Variants in CNOT2 observed in about 807,000 individuals in gnomAD.
CNOT2 encodes the protein CCR4-NOT transcription complex subunit 2.
In CNOT2, 7 loss-of-function variants were observed where a neutral mutation model predicts 72.1. That is an observed-to-expected ratio of 0.10 (90% CI 0.06 to 0.18). The LOEUF (loss-of-function observed/expected upper bound fraction) is 0.18, where lower values mean the gene tolerates loss of function less well. CNOT2 is among the 10% of genes least tolerant of loss of function. The pLI, the probability that CNOT2 is intolerant of heterozygous loss-of-function variation, is 1.00. For synonymous variants in CNOT2, 196 were observed against 225.6 expected (o/e 0.87, Z 1.17); for missense variants, 345 against 660.3 (o/e 0.52, Z 5.23).
chr12:70,293,579 A>G (rs183264266), intron 2 of CNOT2, among the ~76,000 whole-genome samples: 234 of 152,124 alleles, frequency 1.5e-3, no homozygotes, highest in African/African-American at 5.6e-3. Flanking sequence ...AGGGGTCCTT[A>G]TTTGTTTTTA....
intron 1 of CNOT2, among the ~76,000 whole-genome samples, chr12:70,263,275 C>G (rs952988263): frequency 6.6e-6 from 1 of 152,042 alleles, no homozygotes; most frequent in Admixed American, 6.6e-5. Context: ...GCCATTATTT[C>G]CTGAAATATT....
intron 1 of CNOT2, among the ~76,000 whole-genome samples, chr12:70,275,817 A>G (rs1030443269): frequency 2.6e-5 from 4 of 151,974 alleles, no homozygotes; most frequent in Non-Finnish European, 5.9e-5. Flanking sequence ...ACATCCTTTC[A>G]TTTCCAATAT....
At chr12:70,299,851 G>A (rs1233093587) in intron 2 of CNOT2, among the ~76,000 whole-genome samples, 1 of 152,164 alleles carries the variant, frequency 6.6e-6, no homozygotes, top group Non-Finnish European at 1.5e-5. Flanking sequence ...CAGTGTAAAA[G>A]TGTTCCTATT....
intron 15 of CNOT2, 47 bp downstream of exon 15, chr12:70,346,371 AG>A (rs1199883994): frequency 6.7e-7 from 1 of 1,494,980 alleles, no homozygotes. Flanking sequence ...ACTTGAAAAA[AG>A]AAGTGTCCTC....
chr12:70,247,048 T>C (rs1202792369), intron 1 of CNOT2, among the ~76,000 whole-genome samples: 4 of 152,182 alleles, frequency 2.6e-5, no homozygotes, highest in Non-Finnish European at 5.9e-5. Context: ...AATTTTTCCT[T>C]TTCTGGGCAC....
intron 2 of CNOT2, among the ~76,000 whole-genome samples, chr12:70,305,731 C>A (rs1443916945): frequency 6.6e-6 from 1 of 152,114 alleles, no homozygotes; most frequent in Non-Finnish European, 1.5e-5. Flanking sequence ...GTGATGATCT[C>A]AGGGATTTTT....
At chr12:70,263,626 T>G (rs1324363952) in intron 1 of CNOT2, among the ~76,000 whole-genome samples, 1 of 152,242 alleles carries the variant, frequency 6.6e-6, no homozygotes, top group Non-Finnish European at 1.5e-5. Context: ...TTTCCTTAAA[T>G]TATTGAATAT....
chr12:70,287,289 A>C (rs1462492335), intron 2 of CNOT2, among the ~76,000 whole-genome samples: 2 of 149,634 alleles, frequency 1.3e-5, no homozygotes, highest in Non-Finnish European at 3.0e-5. Context: ...GGTCAGACTT[A>C]CTAGTGATTC....
chr12:70,338,285 CAAT>C, intron 9 of CNOT2, 155 bp from the exon 10 acceptor site: 1 of 594,100 alleles, frequency 1.7e-6, no homozygotes, highest in Admixed American at 3.3e-5. Flanking sequence ...TACCATGGAA[CAAT>C]GATGGAAACA....
intron 1 of CNOT2, among the ~76,000 whole-genome samples, chr12:70,252,245 A>G (rs1400037003): frequency 6.6e-6 from 1 of 152,136 alleles, no homozygotes; most frequent in Non-Finnish European, 1.5e-5. Flanking sequence ...GGAATGCAGT[A>G]TCATGATCAC....
Position 70,350,004 on chromosome 12 carries a change from T to C in CNOT2, c.1536+3680T>C, listed in dbSNP as rs181206729. Among the ~76,000 whole-genome samples, 34 of 147,204 alleles carry C rather than the reference T, an allele frequency of 2.3e-4. No individual in the cohort carries two copies. The East Asian group carries it at 4.9e-3, about 21-fold the overall frequency. ...GCCCAGGTGACAGAGCCAGATCCTA[T>C]TTTTTTTTTTAATTTAACATTGTAT... On this transcript the variant is annotated intron_variant, in intron 15 of 15. Coordinates refer to ENST00000229195, the MANE Select transcript of CNOT2 (RefSeq NM_014515.7).
At chr12:70,306,446 C>T (rs1234209976) in intron 2 of CNOT2, among the ~76,000 whole-genome samples, 1 of 152,166 alleles carries the variant, frequency 6.6e-6, no homozygotes, top group African/African-American at 2.4e-5. Flanking sequence ...CATGAGCCAC[C>T]ATTCCTGACC....
At position 70,354,168 on chromosome 12, in the gene CNOT2, T is replaced by C; in HGVS notation, c.*253T>C. The C allele has an allele frequency of 3.5e-6, 2 of 563,678 alleles. No individual in the cohort carries two copies. Among genetic ancestry groups the C allele is most frequent in the Non-Finnish European group, 5.3e-6 (2 of 374,876 alleles). 34.9% of individuals were successfully genotyped at this position (563,678 alleles called of 1,614,324 possible). On this transcript the variant is annotated 3_prime_UTR_variant, in exon 16 of 16. Coordinates refer to ENST00000229195, the MANE Select transcript of CNOT2 (RefSeq NM_014515.7). ...GGTCTGAATTTTTTCATTTATTTCC[T>C]TTTTTGCCAGCAGACAGACTTGAGT...
At chr12:70,294,874 T>C (rs528667832) in intron 2 of CNOT2, among the ~76,000 whole-genome samples, 1 of 152,322 alleles carries the variant, frequency 6.6e-6, no homozygotes, top group South Asian at 2.1e-4. Context: ...AAAATAAGTA[T>C]AGATATCTGG....
chr12:70,338,279 A>G (rs773101257), intron 9 of CNOT2, 164 bp from the exon 10 acceptor site: 9 of 573,004 alleles, frequency 1.6e-5, no homozygotes, highest in Admixed American at 6.7e-5. Flanking sequence ...TTTGTATACC[A>G]TGGAACAATG....
chr12:70,316,752 A>G (rs146974057), intron 3 of CNOT2, among the ~76,000 whole-genome samples: 4 of 152,204 alleles, frequency 2.6e-5, no homozygotes, highest in African/African-American at 9.6e-5. Flanking sequence ...ATCTCAAGTA[A>G]TTGGCCTAGG....
Position 70,310,899 on chromosome 12 carries a change from C to A in CNOT2, c.53C>A (p.Thr18Lys). ...AAAAGTAATATTTTTGTTTAGGTGA[C>A]AAACAGCATGTTTGGTGCTTCAAGA... ...TLSEKRNYQV[T>K]NSMFGASRKK... is the part of the protein sequence containing the mutation. The change falls in exon 3 of 16, where the codon ACA becomes AAA. Residue 18 changes from threonine to lysine, a missense_variant. Transcript: ENST00000229195. 1 of 1,610,948 alleles carries A rather than the reference C, an allele frequency of 6.2e-7. No individual in the cohort carries two copies. Among genetic ancestry groups the A allele is most frequent in the Non-Finnish European group, 8.5e-7 (1 of 1,178,038 alleles).
At chr12:70,344,388 A>G (rs931731061) in intron 14 of CNOT2, 160 bp downstream of exon 14, 1 of 560,636 alleles carries the variant, frequency 1.8e-6, no homozygotes. Flanking sequence ...TTAAAACCGT[A>G]TCTTAACCAT....
At chr12:70,309,399 CA>C (rs1876063108) in intron 2 of CNOT2, among the ~76,000 whole-genome samples, 1 of 152,132 alleles carries the variant, frequency 6.6e-6, no homozygotes, top group South Asian at 2.1e-4. Context: ...GGAGGAAAGA[CA>C]GTCAAATAAT....
Sources: gnomAD v4.1 joint callset for allele counts (sites outside exome capture counted in the v4.1 genomes callset) on GRCh38, gnomAD v4.1.1 for gene constraint, MANE v1.5 for transcripts, NCBI Gene and HGNC (gene_info 2026-07-23, HGNC 2026-07-21) for gene names.